ACAP2: variants seen among roughly 807,000 people sequenced by gnomAD.
ACAP2 encodes ArfGAP with coiled-coil, ankyrin repeat and PH domains 2.
In ACAP2, 39 loss-of-function variants were observed where a neutral mutation model predicts 115.8. That is an observed-to-expected ratio of 0.34 (90% confidence interval 0.26 to 0.44). ACAP2 has a LOEUF of 0.44. Among genes scored for constraint, ACAP2 ranks in the 20% least tolerant of loss-of-function variants. The pLI, the probability that ACAP2 is intolerant of heterozygous loss-of-function variation, is 1.00. For missense variants in ACAP2, 662 were observed against 927.6 expected (o/e 0.71, Z 3.72); for synonymous variants, 289 against 315.8 (o/e 0.92, Z 0.90).
At chr3:195,387,850 A>G (rs746287015) in intron 2 of ACAP2, among the ~76,000 whole-genome samples, 6 of 152,370 alleles carry the variant, frequency 3.9e-5, no homozygotes, top group Non-Finnish European at 8.8e-5. Flanking sequence ...ACCACGTGCC[A>G]AGAACTGTGC....
At position 195,370,562 on chromosome 3, in the gene ACAP2, G is replaced by A. The variant is rs180685078; in HGVS notation, c.285+10447C>T. ...GAAGATCAGATGGTTGTAGGTGTGC[G>A]GCTTTATTTCTGGACTCTCTTCTCT... On this transcript the variant is annotated intron_variant, in intron 4 of 22. Coordinates refer to ENST00000326793, the MANE Select transcript of ACAP2 (RefSeq NM_012287.6). 2.5e-3 allele frequency among the ~76,000 whole-genome samples: 379 copies of A among 152,128 alleles called. 5 individuals are homozygous for A. The South Asian group carries it at 0.031, about 12-fold the overall frequency.
At chr3:195,348,053 T>G (rs1731299812) in intron 4 of ACAP2, among the ~76,000 whole-genome samples, 1 of 133,168 alleles carries the variant, frequency 7.5e-6, no homozygotes, top group Non-Finnish European at 1.6e-5. Context: ...AAAGAAAACT[T>G]GTAAAAAAAA....
At chr3:195,397,536 A>G (rs1263688814) in intron 1 of ACAP2, among the ~76,000 whole-genome samples, 1 of 151,984 alleles carries the variant, frequency 6.6e-6, no homozygotes, top group African/African-American at 2.4e-5. Context: ...TATTAGTTTG[A>G]TTAAGTTCTG....
intron 4 of ACAP2, among the ~76,000 whole-genome samples, chr3:195,363,685 CA>C (rs1732523360): frequency 6.6e-6 from 1 of 151,306 alleles, no homozygotes; most frequent in Non-Finnish European, 1.5e-5. Flanking sequence ...GCAAAAAGAA[CA>C]AAACTGAAGA....
At chr3:195,334,258 G>C (rs1336574602) in intron 7 of ACAP2, among the ~76,000 whole-genome samples, 3 of 148,366 alleles carry the variant, frequency 2.0e-5, no homozygotes, top group Non-Finnish European at 4.5e-5. Flanking sequence ...AGAGGCAAAA[G>C]GATAAAACTC....
chr3:195,344,743 G>A (rs1333454878), intron 5 of ACAP2, among the ~76,000 whole-genome samples: 3 of 152,000 alleles, frequency 2.0e-5, no homozygotes, highest in East Asian at 3.9e-4. Flanking sequence ...TGGTCTCGCC[G>A]CCTGACCTCA....
chr3:195,374,057 T>C (rs1331712356), intron 4 of ACAP2, among the ~76,000 whole-genome samples: 2 of 152,054 alleles, frequency 1.3e-5, no homozygotes, highest in African/African-American at 2.4e-5. Context: ...GGGGAAAAGG[T>C]AGAGCAACTT....
At chr3:195,356,084 G>A (rs1206411520) in intron 4 of ACAP2, 2 of 456,406 alleles carry the variant, frequency 4.4e-6, no homozygotes, top group South Asian at 1.5e-5. Flanking sequence ...ATTGCTGAAA[G>A]AGGCAGTGAA....
At chr3:195,412,948 T>A (rs1241378688) in intron 1 of ACAP2, 1 of 455,158 alleles carries the variant, frequency 2.2e-6, no homozygotes, top group Non-Finnish European at 4.4e-6. Flanking sequence ...AGTAAACAGA[T>A]ATGAAATATG....
At chr3:195,369,683 T>C (rs886092230) in intron 4 of ACAP2, among the ~76,000 whole-genome samples, 1 of 152,238 alleles carries the variant, frequency 6.6e-6, no homozygotes, top group Non-Finnish European at 1.5e-5. Flanking sequence ...GTTGAATCTA[T>C]GTTTTTGCTA....
rs59779977 is a variant in ACAP2 at position 195,409,879 on chromosome 3, C to CA, written c.54-17733dup. 3.2e-4 allele frequency among the ~76,000 whole-genome samples: 18 copies of CA among 56,994 alleles called. 3 individuals carry two copies. Among genetic ancestry groups the CA allele is most frequent in the East Asian group, 2.1e-3 (3 of 1,398 alleles). 37.4% of individuals were successfully genotyped at this position (56,994 alleles called of 152,430 possible). On this transcript the variant is annotated intron_variant, in intron 1 of 22. Transcript: ENST00000326793. ...TAACAGAGTGAGTGAGACTCCATCT[C>CA]AAAAAAAAAAAAAAAAAAAAAAAAA...
chr3:195,285,724 G>T, intron 22 of ACAP2, 72 bp downstream of exon 22: 1 of 1,261,912 alleles, frequency 7.9e-7, no homozygotes, highest in Non-Finnish European at 1.1e-6. Context: ...GAATCTTCCA[G>T]TTGTAAACTG....
chr3:195,290,232 G>A (rs186814908), intron 20 of ACAP2, among the ~76,000 whole-genome samples: 3 of 152,120 alleles, frequency 2.0e-5, no homozygotes, highest in Admixed American at 2.0e-4. Flanking sequence ...AGCCGGGAGT[G>A]GCAGGGCATG....
intron 9 of ACAP2, among the ~76,000 whole-genome samples, chr3:195,322,831 T>C (rs577575041): frequency 6.6e-6 from 1 of 152,238 alleles, no homozygotes; most frequent in Non-Finnish European, 1.5e-5. Context: ...TTTTCAACTA[T>C]ACTTCTTGAG....
chr3:195,314,918 G>GT (rs1241226384), intron 10 of ACAP2, among the ~76,000 whole-genome samples: 1 of 152,210 alleles, frequency 6.6e-6, no homozygotes, highest in East Asian at 1.9e-4. Flanking sequence ...AGAATTCTAA[G>GT]TAACATTTAA....
rs777621764 is a variant in ACAP2, at chr3:195,392,117, C to T, written c.84G>A (p.Val28=). ...RAALEEVEGD[V]AELELKLDKL... ...TATCAAGTTTTAGTTCCAATTCTGC[C>T]ACATCACCTTCTACTTCTTCCAAAG... The change falls in exon 2 of 23, where the codon GTG becomes GTA. Residue 28 remains valine (V), a synonymous_variant. Coordinates refer to ENST00000326793, the MANE Select transcript of ACAP2 (RefSeq NM_012287.6). 4 of 1,612,816 alleles carry T rather than the reference C, an allele frequency of 2.5e-6. No individual in the cohort carries two copies. The South Asian group carries it at 4.4e-5, about 18-fold the overall frequency.
At chr3:195,350,024 GAACT>G (rs1480397357) in intron 4 of ACAP2, 5 of 172,220 alleles carry the variant, frequency 2.9e-5, no homozygotes, top group South Asian at 2.7e-4. Context: ...GTGTGGACAA[GAACT>G]AACCACTGAT....
intron 4 of ACAP2, among the ~76,000 whole-genome samples, chr3:195,353,708 G>T (rs1273233482): frequency 6.6e-6 from 1 of 152,078 alleles, no homozygotes; most frequent in Admixed American, 6.5e-5. Context: ...GATCTCAAAA[G>T]TTATCAAATT....
At chr3:195,384,351 T>C (rs969373065) in intron 2 of ACAP2, among the ~76,000 whole-genome samples, 2 of 152,164 alleles carry the variant, frequency 1.3e-5, no homozygotes, top group Non-Finnish European at 2.9e-5. Context: ...AAAATCAAAA[T>C]GTAGAACAGT....
Sources: allele counts gnomAD v4.1 joint callset (sites outside exome capture counted in the v4.1 genomes callset), GRCh38; gene constraint gnomAD v4.1.1; transcripts MANE v1.5; gene names NCBI Gene and HGNC (gene_info 2026-07-23, HGNC 2026-07-21).